The following TSC22D2 variants were observed in gnomAD, a reference collection of about 807,000 sequenced individuals.
TSC22D2 encodes TSC22 domain family member 2, also known as TSC22 domain family protein 2.
Under a neutral mutation model 50.1 loss-of-function variants are expected in TSC22D2, and 5 were observed. The observed-to-expected ratio is 0.10, with a 90% CI of 0.05 to 0.21. The LOEUF is 0.21. Among genes scored for constraint, TSC22D2 ranks in the 10% least tolerant of loss-of-function variants. TSC22D2 has a pLI of 1.00. For missense variants in TSC22D2, 1,003 were observed against 1,015.5 expected, an observed-to-expected ratio of 0.99 and a Z score of 0.17; for synonymous variants, 501 against 450.1, an observed-to-expected ratio of 1.11 and a Z score of -1.43.
chr3:150,425,447 C>G (rs191677954), intron 1 of TSC22D2, among the ~76,000 whole-genome samples: 8 of 152,210 alleles, frequency 5.3e-5, no homozygotes, highest in Admixed American at 3.9e-4. Context: ...ACCTGGGAAG[C>G]GGAGGTTGCA....
At chr3:150,418,024 T>A (rs1469420575) in intron 1 of TSC22D2, among the ~76,000 whole-genome samples, 1 of 152,100 alleles carries the variant, frequency 6.6e-6, no homozygotes, top group Non-Finnish European at 1.5e-5. Flanking sequence ...AGACCATACA[T>A]TCAAGTGTGC....
At chr3:150,417,003 T>A (rs1026496532) in intron 1 of TSC22D2, among the ~76,000 whole-genome samples, 5 of 152,140 alleles carry the variant, frequency 3.3e-5, no homozygotes, top group African/African-American at 1.2e-4. Context: ...CATTTATTTG[T>A]GATGTTAGTG....
intron 1 of TSC22D2, among the ~76,000 whole-genome samples, chr3:150,431,388 T>G (rs1217197495): frequency 2.0e-5 from 3 of 152,244 alleles, no homozygotes; most frequent in Middle Eastern, 3.4e-3. Flanking sequence ...CAAATATGAA[T>G]ATACAGTGCA....
chr3:150,419,296 T>C (rs937131419), intron 1 of TSC22D2, among the ~76,000 whole-genome samples: 2 of 152,234 alleles, frequency 1.3e-5, no homozygotes, highest in Non-Finnish European at 1.5e-5. Context: ...GCCAGTGCTT[T>C]TGAATATTCC....
In TSC22D2 at chr3:150,458,825, C is replaced by T; in HGVS notation, c.*189C>T. On this transcript the variant is annotated 3_prime_UTR_variant, in exon 3 of 3. Transcript: ENST00000688009. Reference sequence around the variant, plus strand: ...GATGTCATGCAGCGCTGTTGATGTCCAGTTCTATGTCATCAGTACACAAGG... The same window carrying T: ...GATGTCATGCAGCGCTGTTGATGTCTAGTTCTATGTCATCAGTACACAAGG... 3.0e-6 allele frequency: 2 copies of T among 671,916 alleles called. No individual in the cohort carries two copies. The highest frequency in any genetic ancestry group is 5.0e-6 in the Non-Finnish European group (2 of 400,500). The allele number at this position is 671,916 out of a possible 1,614,324, so 41.6% of individuals were successfully genotyped here.
At position 150,454,468 on chromosome 3, in the gene TSC22D2, T is replaced by C. The variant is rs113797658; in HGVS notation, c.1959-2608T>C. On this transcript the variant is annotated intron_variant, in intron 1 of 2. Coordinates refer to ENST00000688009, the MANE Select transcript of TSC22D2 (RefSeq NM_001303264.2). ...GCTTCTTAATTTTTCCTCCTATAAC[T>C]TTCATTTGTAAGCCAGCAGTTCTCA... 1.1e-3 allele frequency among the ~76,000 whole-genome samples: 174 copies of C among 152,340 alleles called. 1 individual carries two copies. The highest frequency in any genetic ancestry group is 4.1e-3 in the African/African-American group (170 of 41,576).
Position 150,410,204 on chromosome 3 carries a change from T to C in TSC22D2, c.854T>C (p.Val285Ala). The change falls in exon 1 of 3, where the codon GTG becomes GCG. Residue 285 changes from valine to alanine, a missense_variant. By Grantham distance (64) the Val-to-Ala change is moderately conservative. Transcript: ENST00000688009. ...CCGCCGCCACCCGTAGGTGGGGCTG[T>C]GGCTCAAAGCTCGGCTCCGCTGCCG... Reference protein sequence around the residue: ...QPPPPPVGGAVAQSSAPLPPF... With the variant: ...QPPPPPVGGAAAQSSAPLPPF... The C allele has an allele frequency of 1.9e-6, 3 of 1,599,290 alleles. No homozygotes were observed. The highest frequency in any genetic ancestry group is 2.6e-6 in the Non-Finnish European group (3 of 1,173,338).
intron 1 of TSC22D2, among the ~76,000 whole-genome samples, chr3:150,429,142 AATT>A (rs1171855544): frequency 6.6e-6 from 1 of 152,138 alleles, no homozygotes; most frequent in Non-Finnish European, 1.5e-5. Flanking sequence ...TTTAGGGAAG[AATT>A]CCATGTCAGA....
chr3:150,413,204 G>C (rs1719656044), intron 1 of TSC22D2, among the ~76,000 whole-genome samples: 5 of 152,148 alleles, frequency 3.3e-5, no homozygotes, highest in Admixed American at 3.3e-4. Flanking sequence ...TCCTCTTACT[G>C]TATTAAGAGT....
Position 150,465,896 on chromosome 3 carries a change from AACATAGT to A in TSC22D2, c.*7267_*7273del, listed in dbSNP as rs1365674352. 6.6e-6 allele frequency: 1 copy of A among 152,164 alleles called. No individual in the cohort carries two copies. The highest frequency in any genetic ancestry group is 1.5e-5 in the Non-Finnish European group (1 of 68,030). The allele number at this position is 152,164 out of a possible 1,614,324, so 9.4% of individuals were successfully genotyped here. A position where few individuals can be genotyped will look rare whatever the true frequency, so the allele number is the denominator to read the frequency against. ...CATTTCTATTATCAGATCATAAAAA[AACATAGT>A]ACATAGAGGGTTTGGTATTATTCAT... is the stretch of plus-strand genomic sequence containing the variant. On this transcript the variant is annotated 3_prime_UTR_variant, in exon 3 of 3. Coordinates refer to ENST00000688009, the MANE Select transcript of TSC22D2 (RefSeq NM_001303264.2).
At chr3:150,411,677 G>A (rs1408266122) in intron 1 of TSC22D2, among the ~76,000 whole-genome samples, 1 of 152,128 alleles carries the variant, frequency 6.6e-6, no homozygotes, top group Non-Finnish European at 1.5e-5. Context: ...AGATTTGTCA[G>A]TGTGAGTTTT....
At chr3:150,417,186 A>C (rs1221095127) in intron 1 of TSC22D2, among the ~76,000 whole-genome samples, 1 of 152,096 alleles carries the variant, frequency 6.6e-6, no homozygotes, top group Non-Finnish European at 1.5e-5. Flanking sequence ...TAGAAGATGG[A>C]GTTTGTGATT....
intron 2 of TSC22D2, 51 bp from the exon 3 acceptor site, chr3:150,458,325 A>G (rs1475905153): frequency 1.0e-5 from 16 of 1,571,298 alleles, no homozygotes; most frequent in Non-Finnish European, 1.4e-5. Flanking sequence ...ACCAGATAGC[A>G]CCACCTTTAT....
At chr3:150,411,363 C>G in intron 1 of TSC22D2, 55 bp downstream of exon 1, 4 of 1,492,356 alleles carry the variant, frequency 2.7e-6, no homozygotes, top group Non-Finnish European at 3.6e-6. Context: ...AACATTGTAG[C>G]TTAGGATGCA....
intron 2 of TSC22D2, among the ~76,000 whole-genome samples, 165 bp downstream of exon 2, chr3:150,457,292 TTA>T: frequency 2.6e-5 from 4 of 152,344 alleles, no homozygotes; most frequent in Admixed American, 2.6e-4. Context: ...TTGAGAACTT[TTA>T]GTCTAGAAAT....
intron 1 of TSC22D2, among the ~76,000 whole-genome samples, chr3:150,445,126 CTAAA>C (rs1401507961): frequency 6.6e-6 from 1 of 151,722 alleles, no homozygotes; most frequent in Non-Finnish European, 1.5e-5. Flanking sequence ...TTATTTTACT[CTAAA>C]TAATGAAACA....
At chr3:150,431,166 A>G (rs1211454395) in intron 1 of TSC22D2, among the ~76,000 whole-genome samples, 2 of 135,370 alleles carry the variant, frequency 1.5e-5, no homozygotes, top group Non-Finnish European at 3.1e-5. Flanking sequence ...CAGAGCTTGC[A>G]GTGAGCCGAG....
intron 1 of TSC22D2, among the ~76,000 whole-genome samples, chr3:150,440,260 G>A (rs746979472): frequency 3.9e-4 from 60 of 152,024 alleles, no homozygotes; most frequent in Middle Eastern, 3.2e-3. Flanking sequence ...GTATGAAGAT[G>A]TGAATTCATA....
At chr3:150,429,494 T>A (rs1286250507) in intron 1 of TSC22D2, among the ~76,000 whole-genome samples, 1 of 152,162 alleles carries the variant, frequency 6.6e-6, no homozygotes, top group Non-Finnish European at 1.5e-5. Flanking sequence ...GTCATAGGAC[T>A]GTAGGGAAAA....
Sources: gnomAD v4.1 joint callset for allele counts (sites outside exome capture counted in the v4.1 genomes callset) on GRCh38, gnomAD v4.1.1 for gene constraint, MANE v1.5 for transcripts, NCBI Gene and HGNC (gene_info 2026-07-23, HGNC 2026-07-21) for gene names.